Variants in SULT2A1 observed in about 807,000 individuals in gnomAD.
SULT2A1 encodes sulfotransferase 2A1.
In SULT2A1, 43 loss-of-function variants were observed where a neutral mutation model predicts 33.9. The observed-to-expected ratio is 1.27, with a 90% confidence interval of 1.00 to 1.64. The LOEUF (loss-of-function observed/expected upper bound fraction) is 1.64, where lower values mean the gene tolerates loss of function less well. Among genes scored for constraint, SULT2A1 ranks in the 40% most tolerant of loss-of-function variants. SULT2A1 has a pLI of 0.00. For missense variants in SULT2A1, 300 were observed against 335.1 expected (o/e 0.90, Z 0.82); for synonymous variants, 125 against 113.6 (o/e 1.10, Z -0.64).
Position 47,884,470 on chromosome 19 carries a change from G to A in SULT2A1, c.137-685C>T, listed in dbSNP as rs966182083. 6.9e-3 allele frequency among the ~76,000 whole-genome samples: 810 copies of A among 117,914 alleles called. 11 individuals carry two copies. The highest frequency in any genetic ancestry group is 0.011 in the Middle Eastern group (2 of 174). 77.4% of individuals were successfully genotyped at this position (117,914 alleles called of 152,430 possible). A position where few individuals can be genotyped will look rare whatever the true frequency, so the allele number is the denominator to read the frequency against. ...TGGGATTACAGGCGTGAGCCACTGC[G>A]CCTGGCTTTTTTTTTTTTTTTTTTT... On this transcript the variant is annotated intron_variant, in intron 1 of 5. Coordinates refer to ENST00000222002, the MANE Select transcript of SULT2A1 (RefSeq NM_003167.4).
chr19:47,880,171 A>C (rs1249492655), intron 3 of SULT2A1, among the ~76,000 whole-genome samples: 2 of 128,496 alleles, frequency 1.6e-5, no homozygotes, highest in African/African-American at 5.8e-5. Context: ...TGGGAGGCGG[A>C]GCTTGCAGTG....
intron 1 of SULT2A1, 90 bp downstream of exon 1, chr19:47,886,032 T>C (rs749997372): frequency 4.1e-5 from 61 of 1,482,586 alleles, no homozygotes; most frequent in Non-Finnish European, 5.5e-5. Flanking sequence ...CATTGTACAC[T>C]GTCTGACATA....
chr19:47,882,257 C>A (rs971055173), intron 2 of SULT2A1, 47 bp from the exon 3 acceptor site: 18 of 1,585,216 alleles, frequency 1.1e-5, no homozygotes, highest in Non-Finnish European at 1.5e-5. Flanking sequence ...AGTCAATCCT[C>A]ACTCTTTTTG....
intron 4 of SULT2A1, among the ~76,000 whole-genome samples, chr19:47,876,197 G>A (rs1320128321): frequency 6.6e-6 from 1 of 152,054 alleles, no homozygotes; most frequent in Non-Finnish European, 1.5e-5. Context: ...CGTATTTTTA[G>A]TAGAGAGGGA....
chr19:47,874,562 C>CA, intron 5 of SULT2A1, 95 bp downstream of exon 5: 1 of 467,770 alleles, frequency 2.1e-6, no homozygotes, highest in Non-Finnish European at 3.3e-6. Flanking sequence ...AAAAAAAAAG[C>CA]ACTCTTTCAT....
intron 4 of SULT2A1, among the ~76,000 whole-genome samples, chr19:47,876,330 T>C (rs1265108113): frequency 6.6e-6 from 1 of 152,154 alleles, no homozygotes; most frequent in East Asian, 1.9e-4. Flanking sequence ...AAATGGATTA[T>C]TGTAACCAGA....
Position 47,871,438 on chromosome 19 carries a change from C to A in SULT2A1, c.*17G>T. 6.4e-7 allele frequency: 1 copy of A among 1,566,164 alleles called. No homozygotes were observed. Among genetic ancestry groups the A allele is most frequent in the East Asian group, 2.2e-5 (1 of 44,630 alleles). On this transcript the variant is annotated 3_prime_UTR_variant, in exon 6 of 6. Transcript: ENST00000222002. Reference sequence around the variant, plus strand: ...ATCAATGTCATTCTCCATATAAGATCCAGAGTGTTTTGGACGTTATTCCCA... The same window carrying A: ...ATCAATGTCATTCTCCATATAAGATACAGAGTGTTTTGGACGTTATTCCCA...
At chr19:47,883,001 G>T (rs1343338829) in intron 2 of SULT2A1, among the ~76,000 whole-genome samples, 4 of 152,048 alleles carry the variant, frequency 2.6e-5, no homozygotes, top group African/African-American at 7.2e-5. Context: ...GCCATGCAAG[G>T]TCCTGGATAT....
chr19:47,882,776 A>G (rs1968615636), intron 2 of SULT2A1, among the ~76,000 whole-genome samples: 2 of 152,094 alleles, frequency 1.3e-5, no homozygotes, highest in Non-Finnish European at 2.9e-5. Context: ...TTAGCCAGGC[A>G]TGGTGGCGCA....
intron 4 of SULT2A1, among the ~76,000 whole-genome samples, chr19:47,876,140 C>T (rs966540850): frequency 4.6e-5 from 7 of 152,116 alleles, no homozygotes; most frequent in Non-Finnish European, 7.3e-5. Flanking sequence ...CTCAACCTCC[C>T]GAGTAGCTGG....
intron 4 of SULT2A1, among the ~76,000 whole-genome samples, chr19:47,876,132 C>T (rs1184031181): frequency 6.6e-6 from 1 of 152,150 alleles, no homozygotes; most frequent in Non-Finnish European, 1.5e-5. Context: ...TCTCCTGTCT[C>T]AACCTCCCGA....
intron 4 of SULT2A1, among the ~76,000 whole-genome samples, chr19:47,877,009 G>A (rs1409489230): frequency 4.1e-5 from 6 of 148,116 alleles, no homozygotes; most frequent in Non-Finnish European, 8.9e-5. Context: ...CCCGAGAGGC[G>A]GAGGTTGCAG....
At chr19:47,879,202 T>TC (rs750104609) in intron 3 of SULT2A1, 72 bp from the exon 4 acceptor site, 11 of 886,100 alleles carry the variant, frequency 1.2e-5, no homozygotes, top group Non-Finnish European at 2.1e-5. Context: ...ATTATGTTCA[T>TC]CCCCCCACCG....
intron 2 of SULT2A1, among the ~76,000 whole-genome samples, chr19:47,883,262 C>A (rs1029258738): frequency 1.3e-5 from 2 of 151,728 alleles, no homozygotes; most frequent in Non-Finnish European, 2.9e-5. Flanking sequence ...CAACCAAAGG[C>A]GGTTATCTAG....
intron 4 of SULT2A1, among the ~76,000 whole-genome samples, chr19:47,876,873 G>C (rs73581555): frequency 0.25 from 37,683 of 150,604 alleles, 4,818 homozygotes; most frequent in Non-Finnish European, 0.27. Flanking sequence ...AGGAGTTCGA[G>C]ACCAGCCTGG....
At chr19:47,883,212 G>A (rs1221656531) in intron 2 of SULT2A1, among the ~76,000 whole-genome samples, 1 of 151,992 alleles carries the variant, frequency 6.6e-6, no homozygotes, top group African/African-American at 2.4e-5. Flanking sequence ...TGTGGCAGGA[G>A]GCATTTGTTG....
intron 5 of SULT2A1, among the ~76,000 whole-genome samples, chr19:47,873,614 C>CTTTTTTTTTTTTTTTTTTTTTT (rs61271763): frequency 1.6e-5 from 1 of 62,062 alleles, no homozygotes; most frequent in African/African-American, 7.8e-5. Flanking sequence ...GGACAGATCT[C>CTTTTTTTTTTTTTTTTTTTTTT]TTTTTTTTTT....
chr19:47,871,849 G>C (rs973524250), intron 5 of SULT2A1, among the ~76,000 whole-genome samples: 3 of 151,826 alleles, frequency 2.0e-5, no homozygotes, highest in Non-Finnish European at 4.4e-5. Context: ...TTTCTACCAC[G>C]TTGACTCAAG....
intron 4 of SULT2A1, 47 bp from the exon 5 acceptor site, chr19:47,874,881 G>T: frequency 1.3e-6 from 2 of 1,571,960 alleles, no homozygotes; most frequent in Admixed American, 1.7e-5. Context: ...GAAAGACAAG[G>T]CTGGGCGTGG....
Sources: gnomAD v4.1 joint callset for allele counts (sites outside exome capture counted in the v4.1 genomes callset) on GRCh38, gnomAD v4.1.1 for gene constraint, MANE v1.5 for transcripts, NCBI Gene and HGNC (gene_info 2026-07-23, HGNC 2026-07-21) for gene names.